Variants in CADM1 observed in about 807,000 individuals in gnomAD.
CADM1 encodes TSLC-1.
A neutral mutation model predicts 53.1 loss-of-function variants in CADM1; 15 were observed. The observed-to-expected ratio is 0.28, with a 90% CI of 0.19 to 0.44. CADM1 has a LOEUF of 0.44. Among genes scored for constraint, CADM1 ranks in the 20% least tolerant of loss-of-function variants. The probability of loss-of-function intolerance (pLI) is 1.00; values close to 1 mark genes in which losing one functional copy is unlikely to be tolerated. For missense variants in CADM1, 434 were observed against 611.3 expected (o/e 0.71, Z 3.06); for synonymous variants, 281 against 243.0 (o/e 1.16, Z -1.45).
chr11:115,459,128 CATAATT>C (rs571133611), intron 1 of CADM1, among the ~76,000 whole-genome samples: 18 of 152,138 alleles, frequency 1.2e-4, no homozygotes, highest in Non-Finnish European at 2.6e-4. Flanking sequence ...TGTTGGGTTC[CATAATT>C]ATAACTGCAA....
intron 1 of CADM1, among the ~76,000 whole-genome samples, chr11:115,385,850 G>A (rs964640242): frequency 6.6e-6 from 1 of 152,172 alleles, no homozygotes; most frequent in East Asian, 1.9e-4. Context: ...AGTCACAACT[G>A]ACCAGTATAA....
intron 1 of CADM1, among the ~76,000 whole-genome samples, chr11:115,317,138 A>G (rs1944688226): frequency 6.6e-6 from 1 of 152,228 alleles, no homozygotes; most frequent in African/African-American, 2.4e-5. Flanking sequence ...GGAGGATCAG[A>G]TAAGCATCTA....
Position 115,175,876 on chromosome 11 carries a change from C to T in CADM1, c.*598G>A. 2.0e-6 allele frequency: 2 copies of T among 993,478 alleles called. No individual in the cohort carries two copies. Among genetic ancestry groups the T allele is most frequent in the Non-Finnish European group, 2.4e-6 (2 of 834,652 alleles). 61.5% of individuals were successfully genotyped at this position (993,478 alleles called of 1,614,324 possible). The stretch of plus-strand genomic sequence containing the variant: ...CAAAGAGTTTTCATTGTTTGTTCAC[C>T]CAAATCTTTACGACAACAGAGAAGA... On this transcript the variant is annotated 3_prime_UTR_variant, in exon 12 of 12. Transcript: ENST00000331581.
chr11:115,193,162 G>T lies in CADM1; in HGVS notation c.1112-2221C>A, dbSNP rs1053769420. ...CACTTTTCATTTTCTCAAAGAAAAA[G>T]ACAAAGACGTATTTTATGAAGCAGA... is the stretch of plus-strand genomic sequence containing the variant. On this transcript the variant is annotated intron_variant, in intron 9 of 11. Coordinates refer to ENST00000331581, the MANE Select transcript of CADM1 (RefSeq NM_001301043.2). Among the ~76,000 whole-genome samples, 6 of 152,270 alleles carry T rather than the reference G, an allele frequency of 3.9e-5. No individual in the cohort carries two copies. In the South Asian group the frequency reaches 1.2e-3, roughly 32 times the overall value.
intron 5 of CADM1, among the ~76,000 whole-genome samples, chr11:115,227,547 T>C (rs761646481): frequency 3.9e-5 from 6 of 152,246 alleles, no homozygotes; most frequent in Non-Finnish European, 5.9e-5. Context: ...TTAAGTTTGC[T>C]TAAATGAATT....
intron 1 of CADM1, among the ~76,000 whole-genome samples, chr11:115,250,765 T>A (rs1397553925): frequency 6.6e-6 from 1 of 152,178 alleles, no homozygotes; most frequent in Non-Finnish European, 1.5e-5. Context: ...ACAACAATCT[T>A]ATGTGGTTCA....
chr11:115,175,032 G>A lies in CADM1; in HGVS notation c.*1442C>T, dbSNP rs953603081. On this transcript the variant is annotated 3_prime_UTR_variant, in exon 12 of 12. Transcript: ENST00000331581. Reference sequence around the variant, plus strand: ...TATGGCTGCCATCATGCGAGGATCAGTAATTTTTGGCAGATGGTTCTTAAG... The same window carrying A: ...TATGGCTGCCATCATGCGAGGATCAATAATTTTTGGCAGATGGTTCTTAAG... 162 of 985,756 alleles carry A rather than the reference G, an allele frequency of 1.6e-4. No homozygotes were observed. The highest frequency in any genetic ancestry group is 1.9e-4 in the Non-Finnish European group (161 of 829,946). The allele number at this position is 985,756 out of a possible 1,614,324, so 61.1% of individuals were successfully genotyped here.
intron 1 of CADM1, among the ~76,000 whole-genome samples, chr11:115,492,108 TTAAA>T (rs1565453745): frequency 6.6e-6 from 1 of 151,824 alleles, no homozygotes; most frequent in South Asian, 2.1e-4. Flanking sequence ...AAATAAATAA[TTAAA>T]TAAATAAAAA....
chr11:115,448,779 C>A (rs1948508405), intron 1 of CADM1, among the ~76,000 whole-genome samples: 1 of 152,030 alleles, frequency 6.6e-6, no homozygotes. Context: ...CAGCTTAATT[C>A]TTGGGTAAAG....
At chr11:115,260,909 C>G (rs1472789386) in intron 1 of CADM1, among the ~76,000 whole-genome samples, 1 of 151,954 alleles carries the variant, frequency 6.6e-6, no homozygotes. Context: ...CTTCTGACCT[C>G]ATGATCCGCC....
intron 7 of CADM1, among the ~76,000 whole-genome samples, chr11:115,212,996 C>T (rs746966574): frequency 5.9e-5 from 9 of 152,214 alleles, no homozygotes; most frequent in Admixed American, 3.9e-4. Context: ...AATGTAGGGG[C>T]AGTAAGTACA....
chr11:115,424,902 T>A (rs1485458799), intron 1 of CADM1, among the ~76,000 whole-genome samples: 3 of 152,222 alleles, frequency 2.0e-5, no homozygotes, highest in Non-Finnish European at 4.4e-5. Flanking sequence ...GAAGATTTTC[T>A]ATTCCCATCA....
chr11:115,481,979 G>A (rs1390789404), intron 1 of CADM1, among the ~76,000 whole-genome samples: 1 of 152,124 alleles, frequency 6.6e-6, no homozygotes, highest in East Asian at 1.9e-4. Context: ...TTATTACCAA[G>A]TTGGTCCTGT....
intron 1 of CADM1, among the ~76,000 whole-genome samples, chr11:115,318,892 TAG>T (rs1444427565): frequency 6.6e-6 from 1 of 152,300 alleles, no homozygotes; most frequent in Middle Eastern, 3.4e-3. Context: ...GACATTAACC[TAG>T]AGATATTAAG....
chr11:115,469,902 C>T (rs1316477096), intron 1 of CADM1, among the ~76,000 whole-genome samples: 1 of 152,104 alleles, frequency 6.6e-6, no homozygotes, highest in Non-Finnish European at 1.5e-5. Flanking sequence ...GAACTCCTGA[C>T]CTCAGGTCAT....
rs578249255 is a variant in CADM1, at chr11:115,196,090, G to C, written c.1111+2316C>G. 2.6e-5 allele frequency among the ~76,000 whole-genome samples: 4 copies of C among 152,188 alleles called. No homozygotes were observed. In the South Asian group the frequency reaches 6.2e-4, roughly 24 times the overall value. ...CATCCTACTGAGGTTTCACCAACTTGAACATCGTCTCCAAACTAATAGGAA... is the reference window on the plus strand; with the variant it reads ...CATCCTACTGAGGTTTCACCAACTTCAACATCGTCTCCAAACTAATAGGAA... On this transcript the variant is annotated intron_variant, in intron 9 of 11. Transcript: ENST00000331581.
intron 1 of CADM1, among the ~76,000 whole-genome samples, chr11:115,381,957 G>A (rs1946589715): frequency 6.6e-6 from 1 of 151,998 alleles, no homozygotes; most frequent in African/African-American, 2.4e-5. Flanking sequence ...GCCATCTCCT[G>A]CCTCAGCCTC....
At chr11:115,323,636 AG>A (rs1944882762) in intron 1 of CADM1, among the ~76,000 whole-genome samples, 1 of 152,216 alleles carries the variant, frequency 6.6e-6, no homozygotes. Context: ...GCACAGATTC[AG>A]TTTCAGATGA....
intron 1 of CADM1, among the ~76,000 whole-genome samples, chr11:115,303,672 T>C (rs983073720): frequency 3.3e-5 from 5 of 152,012 alleles, no homozygotes; most frequent in East Asian, 1.9e-4. Context: ...ATTTAGGAAC[T>C]TGACACCCCA....
Sources: allele counts gnomAD v4.1 joint callset (sites outside exome capture counted in the v4.1 genomes callset), GRCh38; gene constraint gnomAD v4.1.1; transcripts MANE v1.5; gene names NCBI Gene and HGNC (gene_info 2026-07-23, HGNC 2026-07-21).